Variants in FBXL2 observed in about 807,000 individuals in gnomAD.
FBXL2 encodes F-box and leucine rich repeat protein 2.
FBXL2 carries 38 observed loss-of-function variants against 69.2 expected under a neutral mutation model. The observed-to-expected ratio is 0.55, with a 90% CI of 0.42 to 0.72. The LOEUF (loss-of-function observed/expected upper bound fraction) is 0.72, where lower values mean the gene tolerates loss of function less well. Among genes scored for constraint, FBXL2 ranks in the 30% least tolerant of loss-of-function variants. The probability of loss-of-function intolerance (pLI) is 0.00; values close to 1 mark genes in which losing one functional copy is unlikely to be tolerated. For synonymous variants in FBXL2, 192 were observed against 201.3 expected (o/e 0.95, Z 0.39); for missense variants, 354 against 520.3 (o/e 0.68, Z 3.11).
At chr3:33,355,079 G>A (rs1016922954) in intron 2 of FBXL2, among the ~76,000 whole-genome samples, 2 of 152,104 alleles carry the variant, frequency 1.3e-5, no homozygotes, top group East Asian at 1.9e-4. Context: ...ATGGGCATGC[G>A]TCACCACACC....
the FBXL2 span, among the ~76,000 whole-genome samples, chr3:33,413,850 A>C: frequency 6.6e-6 from 1 of 152,166 alleles, no homozygotes. Flanking sequence ...ACCAGAGCAA[A>C]GCTCTCATAG....
At chr3:33,413,901 G>A in the FBXL2 span, among the ~76,000 whole-genome samples, 1 of 152,170 alleles carries the variant, frequency 6.6e-6, no homozygotes, top group African/African-American at 2.4e-5. Context: ...AGACACCAAT[G>A]CCAGTGGTTC....
At chr3:33,280,223 A>G (rs969864959) in intron 1 of FBXL2, among the ~76,000 whole-genome samples, 14 of 152,202 alleles carry the variant, frequency 9.2e-5, no homozygotes, top group African/African-American at 3.1e-4. Flanking sequence ...TCACAGCTAT[A>G]CTAGCATTGA....
chr3:33,353,215 C>T (rs2040954796), intron 2 of FBXL2, among the ~76,000 whole-genome samples: 1 of 152,152 alleles, frequency 6.6e-6, no homozygotes, highest in Admixed American at 6.5e-5. Flanking sequence ...TAGAATACAG[C>T]TTGGCAGTTT....
intron 2 of FBXL2, among the ~76,000 whole-genome samples, chr3:33,343,550 T>A (rs1182589802): frequency 2.0e-5 from 3 of 152,142 alleles, no homozygotes; most frequent in African/African-American, 7.2e-5. Flanking sequence ...ATTTTATTGA[T>A]TAGAAATACA....
intron 2 of FBXL2, among the ~76,000 whole-genome samples, chr3:33,314,849 T>C (rs2125774718): frequency 6.6e-6 from 1 of 152,334 alleles, no homozygotes; most frequent in East Asian, 1.9e-4. Flanking sequence ...TGAATTTTAT[T>C]ATTGGTATAA....
In FBXL2 at chr3:33,327,958, C is replaced by CAAA. The variant is rs11458838; in HGVS notation, c.65+30244_65+30246dup. 1.1e-4 allele frequency among the ~76,000 whole-genome samples: 16 copies of CAAA among 145,016 alleles called. 1 individual carries two copies. The highest frequency in any genetic ancestry group is 2.2e-4 in the South Asian group (1 of 4,606). The stretch of plus-strand genomic sequence containing the variant: ...ATTTAGAAAAAGCTAAAGAATCTAC[C>CAAA]AAAAAAAAAAAAACTGTTAGAACTG... On this transcript the variant is annotated intron_variant, in intron 2 of 14. Transcript: ENST00000484457.
chr3:33,383,255 T>G (rs907302871), intron 13 of FBXL2: 1 of 152,418 alleles, frequency 6.6e-6, no homozygotes, highest in African/African-American at 2.4e-5. Context: ...CAAATGGGAA[T>G]TGATACAGTA....
At chr3:33,399,189 C>A (rs891654965) in intron 12 of FBXL2, among the ~76,000 whole-genome samples, 1 of 152,224 alleles carries the variant, frequency 6.6e-6, no homozygotes, top group Non-Finnish European at 1.5e-5. Context: ...TTACTGTGAT[C>A]CAGCACTTCT....
chr3:33,371,258 G>A (rs866981105), intron 5 of FBXL2, among the ~76,000 whole-genome samples: 90 of 148,628 alleles, frequency 6.1e-4, no homozygotes, highest in African/African-American at 2.0e-3. Context: ...TCCACCTCCC[G>A]GGTTCAAGTG....
downstream of FBXL2, chr3:33,390,534 A>C: frequency 1.4e-6 from 1 of 698,060 alleles, no homozygotes; most frequent in African/African-American, 1.8e-5. Flanking sequence ...CTCTTCCCCC[A>C]AAAAACTTCA....
In FBXL2 at chr3:33,378,697, A is replaced by C. The variant is rs1193001754; in HGVS notation, c.907A>C (p.Thr303Pro). The C allele has an allele frequency of 6.2e-7, 1 of 1,613,612 alleles. No homozygotes were observed. Among genetic ancestry groups the C allele is most frequent in the Non-Finnish European group, 8.5e-7 (1 of 1,179,862 alleles). ...TGTTTCTCTCCAGATAACCGACAGC[A>C]CACTCATCCAGCTCTCCATTCACTG... ...LEECILITDS[T>P]LIQLSIHCPK... The change falls in exon 13 of 15, where the codon ACA (threonine) becomes CCA (proline). Residue 303 changes from threonine (T) to proline (P), a missense_variant. Physicochemically the swap from Thr to Pro is conservative, Grantham distance 38. Transcript: ENST00000484457.
chr3:33,297,766 T>G (rs771056240), intron 2 of FBXL2, 41 bp downstream of exon 2: 3 of 1,183,444 alleles, frequency 2.5e-6, no homozygotes. Flanking sequence ...TTAGATCTGA[T>G]TTAGTCATCA....
intron 1 of FBXL2, 59 bp from the exon 2 acceptor site, chr3:33,297,605 A>AT: frequency 3.6e-6 from 4 of 1,107,274 alleles, no homozygotes; most frequent in Non-Finnish European, 5.3e-6. Context: ...AAAACAATTA[A>AT]TTTTTTCCAC....
At chr3:33,369,908 C>T (rs975880617) in intron 5 of FBXL2, among the ~76,000 whole-genome samples, 11 of 152,090 alleles carry the variant, frequency 7.2e-5, no homozygotes, top group Non-Finnish European at 1.0e-4. Flanking sequence ...CCACAGTGCC[C>T]GGCCTATTTT....
At chr3:33,347,705 TA>T (rs2040547217) in intron 2 of FBXL2, among the ~76,000 whole-genome samples, 1 of 152,138 alleles carries the variant, frequency 6.6e-6, no homozygotes, top group Admixed American at 6.5e-5. Context: ...TTTTTGGATA[TA>T]AGTCATTTTA....
At chr3:33,382,486 C>T (rs1013379711) in intron 13 of FBXL2, 1 of 152,134 alleles carries the variant, frequency 6.6e-6, no homozygotes, top group Non-Finnish European at 1.5e-5. Flanking sequence ...ATGGAATTAT[C>T]ATGTATACTC....
At chr3:33,412,904 G>T in the FBXL2 span, 1 of 934,710 alleles carries the variant, frequency 1.1e-6, no homozygotes, top group Non-Finnish European at 1.8e-6. Context: ...CTTCTTATGT[G>T]TTAACCTGTA....
chr3:33,336,673 G>A lies in FBXL2; in HGVS notation c.66-22294G>A, dbSNP rs373880267. Among the ~76,000 whole-genome samples the A allele has an allele frequency of 5.5e-4, 84 of 152,302 alleles. 1 individual carries two copies. The highest frequency in any genetic ancestry group is 1.9e-3 in the African/African-American group (78 of 41,568). On this transcript the variant is annotated intron_variant, in intron 2 of 14. Coordinates refer to ENST00000484457, the MANE Select transcript of FBXL2 (RefSeq NM_012157.5). Reference sequence around the variant, plus strand: ...TATAATCCTGGCACTTTGGGAGACCGAGGTGGGTGGATCACGAGGCCAAGA... The same window carrying A: ...TATAATCCTGGCACTTTGGGAGACCAAGGTGGGTGGATCACGAGGCCAAGA...
Sources: allele counts gnomAD v4.1 joint callset (sites outside exome capture counted in the v4.1 genomes callset), GRCh38; gene constraint gnomAD v4.1.1; transcripts MANE v1.5; gene names NCBI Gene and HGNC (gene_info 2026-07-23, HGNC 2026-07-21).